RBFOX3: variants seen among roughly 807,000 people sequenced by gnomAD.
RBFOX3 encodes the protein RNA binding protein fox-1 homolog 3.
A neutral mutation model predicts 48.7 loss-of-function variants in RBFOX3; 17 were observed. The observed-to-expected ratio is 0.35, with a 90% CI of 0.24 to 0.52. The LOEUF is 0.52. RBFOX3 is among the 20% of genes least tolerant of loss of function. The pLI is 0.94. For synonymous variants in RBFOX3, 212 were observed against 209.5 expected (o/e 1.01, Z -0.10); for missense variants, 382 against 497.5 (o/e 0.77, Z 2.21).
At chr17:79,541,112 G>C (rs1433776874) in intron 1 of RBFOX3, among the ~76,000 whole-genome samples, 1 of 151,752 alleles carries the variant, frequency 6.6e-6, no homozygotes, top group Non-Finnish European at 1.5e-5. Flanking sequence ...GCTTTAAATT[G>C]AATCAGGACA....
At chr17:79,298,968 C>T (rs761547724) in intron 3 of RBFOX3, among the ~76,000 whole-genome samples, 14 of 152,154 alleles carry the variant, frequency 9.2e-5, no homozygotes, top group Admixed American at 4.6e-4. Context: ...GTGGCAGCAC[C>T]GGGCGGCAGC....
chr17:79,647,525 T>C, the RBFOX3 span, among the ~76,000 whole-genome samples: 3,292 of 152,248 alleles, frequency 0.022, 106 homozygotes, highest in African/African-American at 0.063. Context: ...ACATAGCTGC[T>C]TCCACACTGT....
intron 2 of RBFOX3, among the ~76,000 whole-genome samples, chr17:79,456,294 C>T (rs1277590676): frequency 6.6e-6 from 1 of 152,176 alleles, no homozygotes; most frequent in Admixed American, 6.5e-5. Flanking sequence ...TTCCGCCTCC[C>T]ACTCTGACCC....
chr17:79,653,764 G>GTTTT, the RBFOX3 span, among the ~76,000 whole-genome samples: 123 of 147,014 alleles, frequency 8.4e-4, 2 homozygotes, highest in East Asian at 0.019. Flanking sequence ...GCATGTCGTG[G>GTTTT]TTTTTTTTTT....
chr17:79,264,259 A>G (rs771516440), intron 3 of RBFOX3, among the ~76,000 whole-genome samples: 1 of 151,846 alleles, frequency 6.6e-6, no homozygotes, highest in Non-Finnish European at 1.5e-5. Flanking sequence ...TATTTTTAGT[A>G]GAGACAGGAT....
intron 2 of RBFOX3, among the ~76,000 whole-genome samples, chr17:79,422,666 G>C (rs1305081666): frequency 1.3e-5 from 2 of 149,386 alleles, no homozygotes; most frequent in Non-Finnish European, 3.0e-5. Context: ...TCTCTGCCTG[G>C]GCGCAGTGGC....
Position 79,480,712 on chromosome 17 carries a change from G to A in RBFOX3, c.-175+1742C>T, listed in dbSNP as rs1265046915. ...AACACTCTCCCCTCAGACATCCTGG[G>A]GTCCTCCCTCCCTTCCTTCTGTCTT... On this transcript the variant is annotated intron_variant, in intron 2 of 14. Coordinates refer to ENST00000693108, the MANE Select transcript of RBFOX3 (RefSeq NM_001350451.2). This position sits in a 1 kb window ranked among gnomAD's most constrained non-coding sequence, Gnocchi z 4.8. Among the ~76,000 whole-genome samples the A allele has an allele frequency of 1.3e-5, 2 of 152,082 alleles. No homozygotes were observed. The highest frequency in any genetic ancestry group is 4.8e-5 in the African/African-American group (2 of 41,410).
At chr17:79,349,079 G>A (rs12948969) in intron 2 of RBFOX3, among the ~76,000 whole-genome samples, 6 of 151,904 alleles carry the variant, frequency 3.9e-5, no homozygotes, top group African/African-American at 1.5e-4. Context: ...AGTCCAGTAA[G>A]TTCTGTCTCC....
intron 2 of RBFOX3, among the ~76,000 whole-genome samples, chr17:79,394,465 TAGGCCG>T (rs1048961566): frequency 1.3e-4 from 20 of 152,256 alleles, no homozygotes; most frequent in African/African-American, 4.3e-4. Context: ...ATGTCCACCC[TAGGCCG>T]GCACCCTAGT....
rs144416916 is a variant in RBFOX3, at chr17:79,198,728, C to G, written c.-34+37038G>C. Among the ~76,000 whole-genome samples the G allele has an allele frequency of 6.6e-6, 1 of 151,940 alleles. No homozygotes were observed. The highest frequency in any genetic ancestry group is 1.5e-5 in the Non-Finnish European group (1 of 68,000). On this transcript the variant is annotated intron_variant, in intron 4 of 14. Transcript: ENST00000693108. This position sits in a 1 kb window ranked among gnomAD's most constrained non-coding sequence, Gnocchi z 8.2. ...GCAACCTCCACCTTCCGGGTTCAAG[C>G]GATTCTCCTGCCTCAGCCTCCCAAG...
chr17:79,503,133 C>T (rs987984384), intron 1 of RBFOX3, among the ~76,000 whole-genome samples: 1 of 152,212 alleles, frequency 6.6e-6, no homozygotes, highest in Non-Finnish European at 1.5e-5. Flanking sequence ...TCCCTGGTGT[C>T]TCCTGCTATA....
At chr17:79,403,659 C>T (rs1469565306) in intron 2 of RBFOX3, among the ~76,000 whole-genome samples, 1 of 152,160 alleles carries the variant, frequency 6.6e-6, no homozygotes, top group East Asian at 1.9e-4. Flanking sequence ...CAGGGCGGGG[C>T]TTGTTCCCTG....
In RBFOX3 at chr17:79,355,445, C is replaced by T. The variant is rs139963442; in HGVS notation, c.-174-47621G>A. 2.6e-3 allele frequency among the ~76,000 whole-genome samples: 391 copies of T among 152,306 alleles called. 1 individual carries two copies. Among genetic ancestry groups the T allele is most frequent in the African/African-American group, 8.9e-3 (368 of 41,566 alleles). Reference sequence around the variant, plus strand: ...TGCTTGTACCCAAGCCAAGTGGCCCCGGGCGATGGTGGCAGAGGCAGCTCC... The same window carrying T: ...TGCTTGTACCCAAGCCAAGTGGCCCTGGGCGATGGTGGCAGAGGCAGCTCC... On this transcript the variant is annotated intron_variant, in intron 2 of 14. Transcript: ENST00000693108.
chr17:79,609,704 C>A (rs915488323), intron 1 of RBFOX3, among the ~76,000 whole-genome samples: 1 of 151,206 alleles, frequency 6.6e-6, no homozygotes, highest in Admixed American at 6.5e-5. Context: ...CTTGGGGACC[C>A]GACAGGTTCC....
At chr17:79,404,814 AC>A (rs1487985497) in intron 2 of RBFOX3, among the ~76,000 whole-genome samples, 12 of 151,848 alleles carry the variant, frequency 7.9e-5, no homozygotes, top group Non-Finnish European at 2.9e-5. Context: ...CTGCCTTCCT[AC>A]CCCACACCAA....
chr17:79,178,273 T>A (rs148787180), intron 4 of RBFOX3, among the ~76,000 whole-genome samples: 129 of 152,260 alleles, frequency 8.5e-4, no homozygotes, highest in African/African-American at 3.0e-3. Flanking sequence ...CCCAAAGGAA[T>A]CTCCTAAACT....
the RBFOX3 span, among the ~76,000 whole-genome samples, chr17:79,644,057 A>T: frequency 1.3e-5 from 2 of 152,192 alleles, no homozygotes; most frequent in South Asian, 4.1e-4. Flanking sequence ...AAGGTTAATA[A>T]TGGAATATTA....
At chr17:79,625,968 G>A in the RBFOX3 span, among the ~76,000 whole-genome samples, 3 of 152,232 alleles carry the variant, frequency 2.0e-5, no homozygotes, top group Non-Finnish European at 2.9e-5. Flanking sequence ...ACGAGGTGCT[G>A]TTTATGGTTT....
rs531037196 is a variant in RBFOX3, at chr17:79,204,627, T to A, written c.-34+31139A>T. Among the ~76,000 whole-genome samples, 413 of 152,196 alleles carry A rather than the reference T, an allele frequency of 2.7e-3. 4 individuals carry two copies. Among genetic ancestry groups the A allele is most frequent in the Middle Eastern group, 0.017 (5 of 294 alleles). ...GTGTCCCAGAAGGGTATGGGGGACA[T>A]TCCCTCCACTAAGGCAATAAAAAAT... On this transcript the variant is annotated intron_variant, in intron 4 of 14. Coordinates refer to ENST00000693108, the MANE Select transcript of RBFOX3 (RefSeq NM_001350451.2). This position sits in a 1 kb window ranked among gnomAD's most constrained non-coding sequence, Gnocchi z 4.5.
Sources: gnomAD v4.1 joint callset for allele counts (sites outside exome capture counted in the v4.1 genomes callset) on GRCh38, gnomAD v4.1.1 for gene constraint, Gnocchi (gnomAD v3.1) non-coding constraint, MANE v1.5 for transcripts, NCBI Gene and HGNC (gene_info 2026-07-23, HGNC 2026-07-21) for gene names.